RBBP8: variants seen among roughly 807,000 people sequenced by gnomAD.
RBBP8 encodes the protein DNA endonuclease RBBP8.
Under a neutral mutation model 108.3 loss-of-function variants are expected in RBBP8, and 88 were observed. That is an observed-to-expected ratio of 0.81 (90% confidence interval 0.68 to 0.97). The LOEUF is 0.97. Ranked by LOEUF, RBBP8 falls within the 50% of genes least tolerant of loss-of-function variation. The pLI is 0.00. For missense variants in RBBP8, 1,023 were observed against 1,049.0 expected, an observed-to-expected ratio of 0.98 and a Z score of 0.34; for synonymous variants, 332 against 348.2, an observed-to-expected ratio of 0.95 and a Z score of 0.52.
At chr18:23,017,004 A>G (rs1293088318) in intron 17 of RBBP8, 80 bp downstream of exon 17, 3 of 1,060,456 alleles carry the variant, frequency 2.8e-6, no homozygotes, top group Non-Finnish European at 4.3e-6. Flanking sequence ...AATCACGTAT[A>G]CAAACCATAT....
chr18:22,935,896 A>G (rs983292613), intron 1 of RBBP8, among the ~76,000 whole-genome samples: 5 of 152,176 alleles, frequency 3.3e-5, no homozygotes, highest in Admixed American at 6.5e-5. Flanking sequence ...TTCTGTATTC[A>G]TAGATCTTTG....
intron 6 of RBBP8, among the ~76,000 whole-genome samples, chr18:22,979,923 A>G (rs1307530168): frequency 2.0e-5 from 3 of 152,170 alleles, no homozygotes; most frequent in African/African-American, 4.8e-5. Context: ...CTTAGAACTT[A>G]TATTCTAACA....
chr18:22,983,569 A>T (rs1363326421), intron 7 of RBBP8, among the ~76,000 whole-genome samples: 2 of 118,812 alleles, frequency 1.7e-5, no homozygotes, highest in Non-Finnish European at 4.0e-5. Context: ...TCAGGTTTAA[A>T]TTCACAAATA....
intron 17 of RBBP8, among the ~76,000 whole-genome samples, chr18:23,017,375 C>G (rs1442670634): frequency 6.7e-6 from 1 of 148,288 alleles, no homozygotes; most frequent in Non-Finnish European, 1.5e-5. Context: ...AAAAAAATGC[C>G]AGGTGCAGTG....
chr18:22,960,746 T>C (rs934013058), intron 4 of RBBP8, among the ~76,000 whole-genome samples: 1 of 152,172 alleles, frequency 6.6e-6, no homozygotes, highest in African/African-American at 2.4e-5. Context: ...CCTATAAAAA[T>C]TTTTTATAAT....
At chr18:22,937,815 A>G (rs1382755479) in intron 2 of RBBP8, among the ~76,000 whole-genome samples, 1 of 150,672 alleles carries the variant, frequency 6.6e-6, no homozygotes, top group African/African-American at 2.4e-5. Flanking sequence ...TTATATATTC[A>G]TGTATTTATT....
intron 16 of RBBP8, among the ~76,000 whole-genome samples, 189 bp downstream of exon 16, chr18:23,006,621 C>A (rs1307929242): frequency 2.6e-5 from 4 of 152,106 alleles, no homozygotes; most frequent in African/African-American, 9.7e-5. Context: ...CCCACCTCAG[C>A]CTCCTGAGTA....
chr18:22,925,190 T>A (rs1003521243), intron 3 of RBBP8, among the ~76,000 whole-genome samples: 1 of 152,162 alleles, frequency 6.6e-6, no homozygotes, highest in African/African-American at 2.4e-5. Context: ...CTATTTCAAT[T>A]TTAGTATCCT....
At chr18:22,991,987 G>A (rs1275442647) in intron 10 of RBBP8, among the ~76,000 whole-genome samples, 7 of 152,144 alleles carry the variant, frequency 4.6e-5, no homozygotes, top group Non-Finnish European at 1.5e-5. Context: ...AAGGTTAAAT[G>A]TCTTGTTTCA....
In RBBP8 at chr18:22,936,739, A is replaced by C; in HGVS notation, c.-98-15A>C. On this transcript the variant is annotated splice_polypyrimidine_tract_variant and intron_variant, in intron 1 of 18. Transcript: ENST00000327155. ...TAAATGCAAAGTTCATTTATGTTGC[A>C]ATCTGTCATTTCAGGTATTTGACCT... is the stretch of plus-strand genomic sequence containing the variant. 8.5e-7 allele frequency: 1 copy of C among 1,180,778 alleles called. No homozygotes were observed. The allele number at this position is 1,180,778 out of a possible 1,614,324, so 73.1% of individuals were successfully genotyped here. A position where few individuals can be genotyped will look rare whatever the true frequency, so the allele number is the denominator to read the frequency against.
intron 4 of RBBP8, among the ~76,000 whole-genome samples, chr18:22,965,625 ACT>A (rs1157722041): frequency 1.3e-5 from 2 of 151,966 alleles, no homozygotes; most frequent in Admixed American, 6.5e-5. Context: ...CAGACCAGAC[ACT>A]CTCTGTTTTA....
intron 14 of RBBP8, among the ~76,000 whole-genome samples, chr18:22,998,294 C>T (rs2045893918): frequency 6.6e-6 from 1 of 152,142 alleles, no homozygotes; most frequent in Non-Finnish European, 1.5e-5. Context: ...TACAGGTTAA[C>T]ATTCAGAATG....
At chr18:22,936,018 A>G (rs1164227516) in intron 1 of RBBP8, among the ~76,000 whole-genome samples, 3 of 152,144 alleles carry the variant, frequency 2.0e-5, no homozygotes, top group Non-Finnish European at 2.9e-5. Flanking sequence ...AGATATGTGT[A>G]TATATGTGGA....
At chr18:23,020,846 A>T (rs1390686224) in intron 17 of RBBP8, among the ~76,000 whole-genome samples, 1 of 152,162 alleles carries the variant, frequency 6.6e-6, no homozygotes, top group East Asian at 1.9e-4. Context: ...ATAAGCCCTG[A>T]TTCTCTAAGG....
intron 7 of RBBP8, among the ~76,000 whole-genome samples, chr18:22,983,895 CA>C (rs1354514731): frequency 8.4e-6 from 1 of 118,454 alleles, no homozygotes; most frequent in African/African-American, 2.6e-5. Context: ...TCCTGGCTAA[CA>C]TGGTGAAACC....
At chr18:22,975,395 AG>A (rs1369640050) in intron 6 of RBBP8, among the ~76,000 whole-genome samples, 176 bp downstream of exon 6, 5 of 152,262 alleles carry the variant, frequency 3.3e-5, no homozygotes, top group African/African-American at 1.2e-4. Flanking sequence ...TGCATCTCTT[AG>A]ATTAGTGCTT....
intron 18 of RBBP8, among the ~76,000 whole-genome samples, chr18:23,022,658 T>TTAAA (rs2046383231): frequency 2.4e-5 from 2 of 83,760 alleles, no homozygotes; most frequent in Non-Finnish European, 5.9e-5. Context: ...CAATATAAAA[T>TTAAA]AAAATAAAAT....
At chr18:23,015,080 A>T (rs1276833912) in intron 16 of RBBP8, among the ~76,000 whole-genome samples, 1 of 152,062 alleles carries the variant, frequency 6.6e-6, no homozygotes, top group Non-Finnish European at 1.5e-5. Flanking sequence ...TTGTAGAGAC[A>T]GGTGGTTTGA....
At chr18:22,926,677 AG>A (rs1410128919) in intron 3 of RBBP8, among the ~76,000 whole-genome samples, 1 of 152,238 alleles carries the variant, frequency 6.6e-6, no homozygotes, top group East Asian at 1.9e-4. Flanking sequence ...CAGATTAAAA[AG>A]GGAAACGAAG....
Sources: allele counts gnomAD v4.1 joint callset (sites outside exome capture counted in the v4.1 genomes callset), GRCh38; gene constraint gnomAD v4.1.1; transcripts MANE v1.5; gene names NCBI Gene and HGNC (gene_info 2026-07-23, HGNC 2026-07-21).